The following COL24A1 variants were observed in gnomAD, a reference collection of about 807,000 sequenced individuals.
The protein encoded by COL24A1 is collagen type XXIV alpha 1 chain.
A neutral mutation model predicts 253.9 loss-of-function variants in COL24A1; 224 were observed. The observed-to-expected ratio is 0.88, with a 90% CI of 0.79 to 0.99. The LOEUF is 0.99. COL24A1 is among the 50% of genes least tolerant of loss of function. The pLI, the probability that COL24A1 is intolerant of heterozygous loss-of-function variation, is 0.00. For missense variants in COL24A1, 2,131 were observed against 2,068.5 expected, an observed-to-expected ratio of 1.03 and a Z score of -0.59; for synonymous variants, 685 against 673.7, an observed-to-expected ratio of 1.02 and a Z score of -0.26.
chr1:86,052,570 G>A (rs1051956762), intron 10 of COL24A1, among the ~76,000 whole-genome samples: 1 of 152,052 alleles, frequency 6.6e-6, no homozygotes, highest in South Asian at 2.1e-4. Flanking sequence ...GTGGTTGCCA[G>A]GGACTGGGAG....
rs375111326 is a variant in COL24A1 at position 85,983,738 on chromosome 1, G to A, written c.2364+3863C>T. On this transcript the variant is annotated intron_variant, in intron 20 of 59. Coordinates refer to ENST00000370571, the MANE Select transcript of COL24A1 (RefSeq NM_152890.7). ...TAAAGAAACACATCATGTTAACAGGGTCAGTATGTTTGGCTGTTTTTCCCC... is the reference window on the plus strand; with the variant it reads ...TAAAGAAACACATCATGTTAACAGGATCAGTATGTTTGGCTGTTTTTCCCC... 6.6e-4 allele frequency among the ~76,000 whole-genome samples: 101 copies of A among 151,932 alleles called. 2 individuals carry two copies. The South Asian group carries it at 0.02, about 31-fold the overall frequency.
chr1:85,865,194 CTT>C (rs1380373761), intron 37 of COL24A1, among the ~76,000 whole-genome samples: 1 of 151,736 alleles, frequency 6.6e-6, no homozygotes, highest in Non-Finnish European at 1.5e-5. Flanking sequence ...CTCTCACTCT[CTT>C]TCTTATTTAT....
intron 53 of COL24A1, among the ~76,000 whole-genome samples, chr1:85,766,515 T>C (rs1420917521): frequency 2.6e-5 from 4 of 151,668 alleles, no homozygotes; most frequent in South Asian, 2.1e-4. Flanking sequence ...CTTTCATAAA[T>C]GGCCATACAG....
chr1:85,885,570 CT>C (rs1185078954), intron 32 of COL24A1, among the ~76,000 whole-genome samples: 1 of 151,642 alleles, frequency 6.6e-6, no homozygotes, highest in African/African-American at 2.4e-5. Context: ...GAAAGAGGCT[CT>C]CTAAAATAAA....
At chr1:85,891,056 C>CT (rs1052392254) in intron 31 of COL24A1, among the ~76,000 whole-genome samples, 73 of 144,846 alleles carry the variant, frequency 5.0e-4, no homozygotes, top group South Asian at 2.8e-3. Context: ...ATCTTTTTTT[C>CT]TTTTTTTTTT....
intron 37 of COL24A1, among the ~76,000 whole-genome samples, chr1:85,859,493 A>C (rs1212535962): frequency 6.6e-6 from 1 of 152,216 alleles, no homozygotes; most frequent in Non-Finnish European, 1.5e-5. Flanking sequence ...TATATGTGAG[A>C]AAAGGGGTTG....
At chr1:85,942,407 T>C (rs1387136003) in intron 24 of COL24A1, among the ~76,000 whole-genome samples, 1 of 152,236 alleles carries the variant, frequency 6.6e-6, no homozygotes, top group Non-Finnish European at 1.5e-5. Flanking sequence ...GTATCTATCC[T>C]ATATGGTTTT....
In COL24A1 at chr1:85,941,611, C is replaced by T. The variant is rs114224395; in HGVS notation, c.2562+19638G>A. On this transcript the variant is annotated intron_variant, in intron 24 of 59. Transcript: ENST00000370571. ...TTTAAAATCTCTGGACAGGTAAGAA[C>T]GAGACATGTACTTTTTTTTAAAAAA... Among the ~76,000 whole-genome samples, 1,046 of 134,172 alleles carry T rather than the reference C, an allele frequency of 7.8e-3. 6 individuals are homozygous for T. Among genetic ancestry groups the T allele is most frequent in the African/African-American group, 0.026 (935 of 35,434 alleles). 88.0% of individuals were successfully genotyped at this position (134,172 alleles called of 152,430 possible).
At chr1:85,967,906 G>A (rs956771920) in intron 22 of COL24A1, among the ~76,000 whole-genome samples, 6 of 152,218 alleles carry the variant, frequency 3.9e-5, no homozygotes, top group African/African-American at 1.4e-4. Context: ...GTCTGTGAGA[G>A]TGTTGCCAAA....
intron 2 of COL24A1, among the ~76,000 whole-genome samples, chr1:86,129,602 C>G (rs934405029): frequency 4.0e-5 from 6 of 151,656 alleles, no homozygotes; most frequent in African/African-American, 1.4e-4. Context: ...GTAGCATTTT[C>G]ATTTTTGTTG....
At chr1:85,769,865 C>T (rs781727814) in intron 53 of COL24A1, among the ~76,000 whole-genome samples, 1 of 152,138 alleles carries the variant, frequency 6.6e-6, no homozygotes, top group African/African-American at 2.4e-5. Flanking sequence ...GATGGCAGTC[C>T]TAATCTATTG....
chr1:85,842,341 C>T lies in COL24A1; in HGVS notation c.3515G>A (p.Arg1172Lys). The T allele has an allele frequency of 6.3e-7, 1 of 1,594,316 alleles. No homozygotes were observed. The highest frequency in any genetic ancestry group is 8.6e-7 in the Non-Finnish European group (1 of 1,167,998). Residue 1172 changes from arginine to lysine, a missense_variant and splice_region_variant, in exon 40 of 60, where the codon AGG becomes AAG. By Grantham distance (26) the Arg-to-Lys change is conservative (BLOSUM62 2). Transcript: ENST00000370571. The stretch of plus-strand genomic sequence containing the variant: ...ATTTTTTCAATTATAAATACTTACC[C>T]TGTACCCTGGAATTCCTGGTTCTCC... ...PDGEPGIPGY[R>K]GHQGQPGPSG...
At chr1:85,874,168 A>G (rs1049216184) in intron 35 of COL24A1, among the ~76,000 whole-genome samples, 2 of 152,218 alleles carry the variant, frequency 1.3e-5, no homozygotes, top group African/African-American at 2.4e-5. Flanking sequence ...AAGGCTGTCT[A>G]TATTAGCATA....
At chr1:85,744,589 A>G in intron 57 of COL24A1, 77 bp downstream of exon 57, 1 of 1,231,896 alleles carries the variant, frequency 8.1e-7, no homozygotes, top group Middle Eastern at 2.0e-4. Context: ...TTTGGAGTGA[A>G]CACATTACAA....
At position 86,018,917 on chromosome 1, in the gene COL24A1, G is replaced by A. The variant is rs148701696; in HGVS notation, c.2257-1713C>T. Among the ~76,000 whole-genome samples the A allele has an allele frequency of 2.9e-3, 439 of 152,128 alleles. 2 individuals are homozygous for A. Among genetic ancestry groups the A allele is most frequent in the Non-Finnish European group, 5.4e-3 (365 of 67,994 alleles). ...GCAAAAGCTTCCCTATTCAAGAACT[G>A]TAACAACTTTCCAAATCAGGACATT... On this transcript the variant is annotated intron_variant, in intron 18 of 59. Coordinates refer to ENST00000370571, the MANE Select transcript of COL24A1 (RefSeq NM_152890.7).
At chr1:85,854,470 A>C (rs1429724007) in intron 37 of COL24A1, among the ~76,000 whole-genome samples, 1 of 152,200 alleles carries the variant, frequency 6.6e-6, no homozygotes, top group African/African-American at 2.4e-5. Context: ...TTCCATAAGA[A>C]TTTTAGAATG....
Position 86,091,442 on chromosome 1 carries a change from C to T in COL24A1, c.1653+825G>A, listed in dbSNP as rs189873159. 9.9e-4 allele frequency among the ~76,000 whole-genome samples: 150 copies of T among 151,728 alleles called. 2 individuals are homozygous for T. The highest frequency in any genetic ancestry group is 8.8e-5 in the Non-Finnish European group (6 of 67,826). On this transcript the variant is annotated intron_variant, in intron 6 of 59. Transcript: ENST00000370571. ...TTTCTGTAAGCCAATAAGATCAGAT[C>T]GATTTTGTAACCACCAAAATTGTTC... is the stretch of plus-strand genomic sequence containing the variant.
intron 32 of COL24A1, among the ~76,000 whole-genome samples, chr1:85,888,744 T>G (rs1293465355): frequency 6.6e-6 from 1 of 152,112 alleles, no homozygotes; most frequent in African/African-American, 2.4e-5. Flanking sequence ...TATCACAGAT[T>G]AAGTATATAA....
intron 53 of COL24A1, among the ~76,000 whole-genome samples, chr1:85,766,665 T>G (rs932374827): frequency 6.6e-6 from 1 of 152,160 alleles, no homozygotes; most frequent in Admixed American, 6.5e-5. Context: ...TATTGTATAA[T>G]GAGCTATAAA....
Sources: gnomAD v4.1 joint callset for allele counts (sites outside exome capture counted in the v4.1 genomes callset) on GRCh38, gnomAD v4.1.1 for gene constraint, MANE v1.5 for transcripts, NCBI Gene and HGNC (gene_info 2026-07-23, HGNC 2026-07-21) for gene names.